The following TUFT1 variants were observed in gnomAD, a reference collection of about 807,000 sequenced individuals.
The protein encoded by TUFT1 is tuftelin 1.
TUFT1 carries 43 observed loss-of-function variants against 57.8 expected under a neutral mutation model. The ratio of observed to expected loss-of-function variants is 0.74; its 90% CI spans 0.58 to 0.96. TUFT1 has a LOEUF of 0.96. Ranked by LOEUF, TUFT1 falls within the 40% of genes least tolerant of loss-of-function variation. The pLI is 0.00. For missense variants in TUFT1, 459 were observed against 489.0 expected (o/e 0.94, Z 0.58); for synonymous variants, 166 against 176.7 (o/e 0.94, Z 0.48).
At chr1:151,567,971 C>T (rs979177525) in intron 6 of TUFT1, among the ~76,000 whole-genome samples, 2 of 152,204 alleles carry the variant, frequency 1.3e-5, no homozygotes, top group Admixed American at 1.3e-4. Context: ...AAACAAATAT[C>T]ACTTGTAATC....
In TUFT1 at chr1:151,554,511, C is replaced by T. The variant is rs111976277; in HGVS notation, c.61-7580C>T. 4.4e-3 allele frequency among the ~76,000 whole-genome samples: 667 copies of T among 150,108 alleles called. 8 individuals carry two copies. Among genetic ancestry groups the T allele is most frequent in the African/African-American group, 0.015 (592 of 40,788 alleles). ...GCCTCCCGGGTTCAGGCAATTCTCC[C>T]GTCTCAGCCTCCTGAGTAGCTGGGA... is the stretch of plus-strand genomic sequence containing the variant. On this transcript the variant is annotated intron_variant, in intron 1 of 12. Transcript: ENST00000368849.
chr1:151,562,276 A>T, intron 2 of TUFT1, 111 bp downstream of exon 2: 3 of 925,664 alleles, frequency 3.2e-6, no homozygotes, highest in Non-Finnish European at 5.0e-6. Context: ...CGAGCGTGGG[A>T]GCCCCTCCTT....
At chr1:151,566,992 C>T (rs1166954008) in intron 6 of TUFT1, among the ~76,000 whole-genome samples, 1 of 152,016 alleles carries the variant, frequency 6.6e-6, no homozygotes, top group Admixed American at 6.6e-5. Context: ...AATCATGGCT[C>T]ACTGCAGCCT....
intron 1 of TUFT1, among the ~76,000 whole-genome samples, chr1:151,549,456 G>A (rs1444962578): frequency 6.6e-6 from 1 of 152,194 alleles, no homozygotes; most frequent in Non-Finnish European, 1.5e-5. Context: ...AGCTCCATTA[G>A]ACAATTTACC....
intron 11 of TUFT1, among the ~76,000 whole-genome samples, chr1:151,580,196 G>A (rs12723898): frequency 0.56 from 84,431 of 152,088 alleles, 25,353 homozygotes; most frequent in Middle Eastern, 0.71. Flanking sequence ...CTTTGCGAAC[G>A]CTCTGTGAAG....
chr1:151,550,801 G>A (rs1030542918), intron 1 of TUFT1, among the ~76,000 whole-genome samples: 1 of 152,188 alleles, frequency 6.6e-6, no homozygotes, highest in Admixed American at 6.5e-5. Flanking sequence ...GGTGGTGCAC[G>A]CCTGTAGTCC....
At chr1:151,561,941 C>T in intron 1 of TUFT1, 150 bp from the exon 2 acceptor site, 1 of 1,482,058 alleles carries the variant, frequency 6.7e-7, no homozygotes, top group South Asian at 1.3e-5. Flanking sequence ...GGTAATGCTG[C>T]CTCCCTGGAC....
intron 9 of TUFT1, 44 bp from the exon 10 acceptor site, chr1:151,578,677 G>C (rs1163657232): frequency 1.3e-6 from 2 of 1,495,722 alleles, no homozygotes; most frequent in African/African-American, 2.8e-5. Context: ...GGGTAAATAA[G>C]TGATCTTGTT....
In TUFT1 at chr1:151,569,932, T is replaced by C. The variant is rs143743787; in HGVS notation, c.594+162T>C. 20 of 616,514 alleles carry C rather than the reference T, an allele frequency of 3.2e-5. No homozygotes were observed. In the East Asian group the frequency reaches 5.9e-4, roughly 18 times the overall value. The allele number at this position is 616,514 out of a possible 1,614,324, so 38.2% of individuals were successfully genotyped here. A position where few individuals can be genotyped will look rare whatever the true frequency, so the allele number is the denominator to read the frequency against. ...AACGCTTGTCTGCTTTTCCCTCTCCTGGACGTTTACACTGTTTACTGTCCA... is the reference window on the plus strand; with the variant it reads ...AACGCTTGTCTGCTTTTCCCTCTCCCGGACGTTTACACTGTTTACTGTCCA... On this transcript the variant is annotated intron_variant, in intron 7 of 12. Coordinates refer to ENST00000368849, the MANE Select transcript of TUFT1 (RefSeq NM_020127.3).
chr1:151,570,423 A>G (rs1666220420), intron 7 of TUFT1, among the ~76,000 whole-genome samples: 1 of 152,048 alleles, frequency 6.6e-6, no homozygotes, highest in African/African-American at 2.4e-5. Flanking sequence ...CTGGTACTAC[A>G]GGCATGCGCC....
At chr1:151,550,270 T>G (rs1347150047) in intron 1 of TUFT1, among the ~76,000 whole-genome samples, 3 of 152,080 alleles carry the variant, frequency 2.0e-5, no homozygotes, top group South Asian at 2.1e-4. Flanking sequence ...TGACCTCTGG[T>G]GATCCACCTG....
At chr1:151,566,999 G>C (rs753416784) in intron 6 of TUFT1, among the ~76,000 whole-genome samples, 1 of 151,092 alleles carries the variant, frequency 6.6e-6, no homozygotes, top group Non-Finnish European at 1.5e-5. Flanking sequence ...GCTCACTGCA[G>C]CCTCGACCCC....
chr1:151,566,244 C>T lies in TUFT1; in HGVS notation c.480+16C>T. The T allele has an allele frequency of 1.2e-6, 2 of 1,607,106 alleles. No homozygotes were observed. Among genetic ancestry groups the T allele is most frequent in the East Asian group, 2.2e-5 (1 of 44,820 alleles). ...CCCACCTGAGGTAGGTAACAGAGGACACCATGGTGGCTCCGCTTAGCCAGG... is the reference window on the plus strand; with the variant it reads ...CCCACCTGAGGTAGGTAACAGAGGATACCATGGTGGCTCCGCTTAGCCAGG... On this transcript the variant is annotated intron_variant, in intron 6 of 12. Coordinates refer to ENST00000368849, the MANE Select transcript of TUFT1 (RefSeq NM_020127.3).
intron 1 of TUFT1, among the ~76,000 whole-genome samples, chr1:151,543,441 G>A (rs1248300010): frequency 2.0e-5 from 3 of 151,646 alleles, no homozygotes; most frequent in African/African-American, 7.3e-5. Flanking sequence ...AGCCACTGTG[G>A]TAAGTTATAT....
chr1:151,570,755 T>C (rs1666229272), intron 7 of TUFT1, among the ~76,000 whole-genome samples: 1 of 152,160 alleles, frequency 6.6e-6, no homozygotes, highest in African/African-American at 2.4e-5. Flanking sequence ...ATTGCCAGGC[T>C]TGAGTGCAGT....
At chr1:151,544,481 G>C (rs1201270709) in intron 1 of TUFT1, among the ~76,000 whole-genome samples, 1 of 152,190 alleles carries the variant, frequency 6.6e-6, no homozygotes, top group Non-Finnish European at 1.5e-5. Context: ...ACTTTTACTA[G>C]AGATGGGGTT....
intron 9 of TUFT1, among the ~76,000 whole-genome samples, chr1:151,577,126 T>A (rs536435165): frequency 3.4e-4 from 52 of 152,254 alleles, no homozygotes; most frequent in Non-Finnish European, 6.5e-4. Flanking sequence ...AGGATTCAAA[T>A]GAACAAACAG....
rs1443434337 is a variant in TUFT1, at chr1:151,583,469, A to G, written c.*1762A>G. The G allele has an allele frequency of 6.6e-6, 1 of 152,178 alleles. No homozygotes were observed. Among genetic ancestry groups the G allele is most frequent in the Non-Finnish European group, 1.5e-5 (1 of 68,030 alleles). The allele number at this position is 152,178 out of a possible 1,614,324, so 9.4% of individuals were successfully genotyped here. A position where few individuals can be genotyped will look rare whatever the true frequency, so the allele number is the denominator to read the frequency against. ...GATTTCAGGGAGTTCCCTCATTTGT[A>G]AAATGAGGGGGTCAGAGCAGGTGAT... On this transcript the variant is annotated 3_prime_UTR_variant, in exon 13 of 13. Coordinates refer to ENST00000368849, the MANE Select transcript of TUFT1 (RefSeq NM_020127.3).
rs569750964 is a variant in TUFT1, at chr1:151,582,212, C to T, written c.*505C>T. ...TTCTACTTGCTCCATCTGCAGCCTA[C>T]GCTGCCCTGGCCTCCTGCAGACAGA... On this transcript the variant is annotated 3_prime_UTR_variant, in exon 13 of 13. Transcript: ENST00000368849. 7.0e-5 allele frequency: 32 copies of T among 456,280 alleles called. No homozygotes were observed. The highest frequency in any genetic ancestry group is 1.5e-4 in the South Asian group (10 of 64,564). 28.3% of individuals were successfully genotyped at this position (456,280 alleles called of 1,614,324 possible).
Sources: gnomAD v4.1 joint callset for allele counts (sites outside exome capture counted in the v4.1 genomes callset) on GRCh38, gnomAD v4.1.1 for gene constraint, MANE v1.5 for transcripts, NCBI Gene and HGNC (gene_info 2026-07-23, HGNC 2026-07-21) for gene names.